The following ST6GALNAC3 variants were observed in gnomAD, a reference collection of about 807,000 sequenced individuals.
ST6GALNAC3 encodes ST6 N-acetylgalactosaminide alpha-2,6-sialyltransferase 3.
Under a neutral mutation model 32.7 loss-of-function variants are expected in ST6GALNAC3, and 25 were observed. That is an observed-to-expected ratio of 0.76 (90% CI 0.56 to 1.07). The LOEUF (loss-of-function observed/expected upper bound fraction) is 1.07, where lower values mean the gene tolerates loss of function less well. ST6GALNAC3 is among the 50% of genes least tolerant of loss of function. The probability of loss-of-function intolerance (pLI) is 0.00; values close to 1 mark genes in which losing one functional copy is unlikely to be tolerated. For missense variants in ST6GALNAC3, 355 were observed against 382.4 expected, an observed-to-expected ratio of 0.93 and a Z score of 0.60; for synonymous variants, 129 against 133.1, an observed-to-expected ratio of 0.97 and a Z score of 0.21.
intron 1 of ST6GALNAC3, among the ~76,000 whole-genome samples, chr1:76,243,061 A>T (rs969144066): frequency 6.6e-6 from 1 of 152,228 alleles, no homozygotes; most frequent in Non-Finnish European, 1.5e-5. Flanking sequence ...ACTAATTTAC[A>T]TTCCCACCAA....
intron 3 of ST6GALNAC3, among the ~76,000 whole-genome samples, chr1:76,500,140 T>C (rs781699868): frequency 1.4e-4 from 21 of 152,192 alleles, no homozygotes; most frequent in Non-Finnish European, 2.8e-4. Context: ...TAGTTACACA[T>C]TCACATTTAA....
intron 3 of ST6GALNAC3, among the ~76,000 whole-genome samples, chr1:76,593,169 A>G (rs1370828723): frequency 6.6e-6 from 1 of 152,198 alleles, no homozygotes; most frequent in Non-Finnish European, 1.5e-5. Context: ...TAATCAATGA[A>G]TCATTTATCA....
chr1:76,632,836 T>C lies in ST6GALNAC3; in HGVS notation c.*4030T>C, dbSNP rs1216331446. 6.6e-5 allele frequency: 10 copies of C among 152,108 alleles called. No individual in the cohort carries two copies. The allele number at this position is 152,108 out of a possible 1,614,324, so 9.4% of individuals were successfully genotyped here. A position where few individuals can be genotyped will look rare whatever the true frequency, so the allele number is the denominator to read the frequency against. Reference sequence around the variant, plus strand: ...AACAATGTGCCCATCTAGCCTTTAATGTGACATGTCAAATGCAAATAATAA... The same window carrying C: ...AACAATGTGCCCATCTAGCCTTTAACGTGACATGTCAAATGCAAATAATAA... On this transcript the variant is annotated 3_prime_UTR_variant, in exon 5 of 5. Coordinates refer to ENST00000328299, the MANE Select transcript of ST6GALNAC3 (RefSeq NM_152996.4).
intron 3 of ST6GALNAC3, among the ~76,000 whole-genome samples, chr1:76,607,233 C>T (rs755739173): frequency 7.9e-5 from 12 of 152,274 alleles, no homozygotes; most frequent in Non-Finnish European, 1.5e-4. Flanking sequence ...ATGCCCTCTC[C>T]GGGTCCACCA....
At chr1:76,136,256 T>G (rs1352998932) in intron 1 of ST6GALNAC3, among the ~76,000 whole-genome samples, 2 of 152,256 alleles carry the variant, frequency 1.3e-5, no homozygotes, top group African/African-American at 4.8e-5. Flanking sequence ...TTTAAATGCA[T>G]TTATTTCTGT....
At chr1:76,418,412 A>T (rs1654793700) in intron 3 of ST6GALNAC3, among the ~76,000 whole-genome samples, 1 of 152,028 alleles carries the variant, frequency 6.6e-6, no homozygotes, top group Admixed American at 6.6e-5. Flanking sequence ...CCAAAATAAA[A>T]CAACTATGCT....
intron 1 of ST6GALNAC3, among the ~76,000 whole-genome samples, chr1:76,140,135 C>T (rs1313208374): frequency 2.6e-5 from 4 of 152,110 alleles, no homozygotes; most frequent in African/African-American, 9.7e-5. Flanking sequence ...TGGATGCTTC[C>T]TCTGCCTGTC....
Position 76,629,090 on chromosome 1 carries a change from G to A in ST6GALNAC3, c.*284G>A, listed in dbSNP as rs1649161736. On this transcript the variant is annotated 3_prime_UTR_variant, in exon 5 of 5. Coordinates refer to ENST00000328299, the MANE Select transcript of ST6GALNAC3 (RefSeq NM_152996.4). Reference sequence around the variant, plus strand: ...TGAAGGCCAGTGACATGACAACTGTGACCTAAGAAATGGGAAGATTATCTT... The same window carrying A: ...TGAAGGCCAGTGACATGACAACTGTAACCTAAGAAATGGGAAGATTATCTT... 2.2e-5 allele frequency: 25 copies of A among 1,152,206 alleles called. No homozygotes were observed. The highest frequency in any genetic ancestry group is 2.7e-5 in the Non-Finnish European group (25 of 937,814). The allele number at this position is 1,152,206 out of a possible 1,614,324, so 71.4% of individuals were successfully genotyped here.
chr1:76,345,145 G>T (rs1410353988), intron 2 of ST6GALNAC3, among the ~76,000 whole-genome samples: 2 of 152,104 alleles, frequency 1.3e-5, no homozygotes, highest in Admixed American at 1.3e-4. Context: ...CAGCAAGCAG[G>T]TACACCATCA....
In ST6GALNAC3 at chr1:76,179,212, C is replaced by A. The variant is rs186724052; in HGVS notation, c.18+104328C>A. Among the ~76,000 whole-genome samples, 6 of 152,302 alleles carry A rather than the reference C, an allele frequency of 3.9e-5. No individual in the cohort carries two copies. In the East Asian group the frequency reaches 1.2e-3, roughly 29 times the overall value. On this transcript the variant is annotated intron_variant, in intron 1 of 4. Coordinates refer to ENST00000328299, the MANE Select transcript of ST6GALNAC3 (RefSeq NM_152996.4). ...TAAATGAATTTCAATACTTGGTGTA[C>A]CTTTGTGAAGTAGCACATTGATTTT...
intron 3 of ST6GALNAC3, among the ~76,000 whole-genome samples, chr1:76,594,208 A>T (rs1397763833): frequency 6.6e-6 from 1 of 152,168 alleles, no homozygotes; most frequent in Non-Finnish European, 1.5e-5. Context: ...ACTAACAAAA[A>T]ATGAAGCTAT....
intron 3 of ST6GALNAC3, among the ~76,000 whole-genome samples, chr1:76,435,412 A>G (rs1242733014): frequency 1.3e-5 from 2 of 152,198 alleles, no homozygotes; most frequent in Non-Finnish European, 2.9e-5. Context: ...AGAATAATCC[A>G]GTGTCTCCTT....
At chr1:76,310,055 G>A in intron 1 of ST6GALNAC3, 1 of 466,988 alleles carries the variant, frequency 2.1e-6, no homozygotes, top group Non-Finnish European at 4.3e-6. Flanking sequence ...CCCCAGCCAT[G>A]CAATGCAATA....
intron 1 of ST6GALNAC3, among the ~76,000 whole-genome samples, chr1:76,288,961 G>A (rs1451124163): frequency 2.6e-5 from 4 of 152,136 alleles, no homozygotes; most frequent in South Asian, 4.1e-4. Flanking sequence ...TGTATGTCAC[G>A]TAGAACCACA....
intron 3 of ST6GALNAC3, among the ~76,000 whole-genome samples, chr1:76,484,395 C>A (rs1398794705): frequency 6.6e-6 from 1 of 150,538 alleles, no homozygotes; most frequent in African/African-American, 2.5e-5. Flanking sequence ...TCTTTTATTT[C>A]GTTGAGCAGT....
chr1:76,187,818 C>T (rs934448774), intron 1 of ST6GALNAC3, among the ~76,000 whole-genome samples: 1 of 152,182 alleles, frequency 6.6e-6, no homozygotes, highest in African/African-American at 2.4e-5. Flanking sequence ...ATACCCACTC[C>T]TGGCAATGTC....
chr1:76,205,878 A>C (rs1654794653), intron 1 of ST6GALNAC3, among the ~76,000 whole-genome samples: 1 of 152,220 alleles, frequency 6.6e-6, no homozygotes, highest in South Asian at 2.1e-4. Flanking sequence ...AGTGAATGTC[A>C]GTGTTATTTT....
chr1:76,261,202 C>G (rs1357465514), intron 1 of ST6GALNAC3, among the ~76,000 whole-genome samples: 1 of 152,132 alleles, frequency 6.6e-6, no homozygotes, highest in Non-Finnish European at 1.5e-5. Context: ...TAGCCCCCCT[C>G]CCCACTTCAA....
At chr1:76,199,304 G>C (rs1304780161) in intron 1 of ST6GALNAC3, among the ~76,000 whole-genome samples, 1 of 152,204 alleles carries the variant, frequency 6.6e-6, no homozygotes, top group African/African-American at 2.4e-5. Flanking sequence ...TGCTGGGCCA[G>C]ACTGCTGAAT....
Sources: allele counts gnomAD v4.1 joint callset (sites outside exome capture counted in the v4.1 genomes callset), GRCh38; gene constraint gnomAD v4.1.1; transcripts MANE v1.5; gene names NCBI Gene and HGNC (gene_info 2026-07-23, HGNC 2026-07-21).